The following PAPOLA variants were observed in gnomAD, a reference collection of about 807,000 sequenced individuals.
The protein encoded by PAPOLA is poly(A) polymerase alpha.
PAPOLA carries 15 observed loss-of-function variants against 100.6 expected under a neutral mutation model. That is an observed-to-expected ratio of 0.15 (90% CI 0.10 to 0.23). PAPOLA has a LOEUF of 0.23. Ranked by LOEUF, PAPOLA falls within the 10% of genes least tolerant of loss-of-function variation. PAPOLA has a pLI of 1.00. For missense variants in PAPOLA, 533 were observed against 884.2 expected (o/e 0.60, Z 5.04); for synonymous variants, 293 against 300.0 (o/e 0.98, Z 0.24).
intron 21 of PAPOLA, among the ~76,000 whole-genome samples, chr14:96,563,139 T>C (rs1173756636): frequency 6.6e-6 from 1 of 152,182 alleles, no homozygotes; most frequent in Non-Finnish European, 1.5e-5. Flanking sequence ...ATACTGCAAA[T>C]CATTTAAATT....
At chr14:96,551,462 C>A (rs1407502996) in intron 16 of PAPOLA, among the ~76,000 whole-genome samples, 4 of 152,116 alleles carry the variant, frequency 2.6e-5, no homozygotes, top group African/African-American at 7.2e-5. Flanking sequence ...TCTCATCTTC[C>A]CCATTTGATC....
At chr14:96,551,963 CT>C (rs1900880779) in intron 16 of PAPOLA, among the ~76,000 whole-genome samples, 1 of 152,054 alleles carries the variant, frequency 6.6e-6, no homozygotes, top group African/African-American at 2.4e-5. Flanking sequence ...GAGAGAGGCT[CT>C]TTTTATTGAC....
At chr14:96,525,580 G>C (rs973505199) in intron 4 of PAPOLA, among the ~76,000 whole-genome samples, 189 bp downstream of exon 4, 4 of 152,070 alleles carry the variant, frequency 2.6e-5, no homozygotes, top group Non-Finnish European at 2.9e-5. Context: ...CTGTCCAAAA[G>C]TATTATTAAG....
intron 1 of PAPOLA, among the ~76,000 whole-genome samples, chr14:96,507,668 A>C (rs866225985): frequency 1.3e-5 from 2 of 152,142 alleles, no homozygotes; most frequent in African/African-American, 4.8e-5. Flanking sequence ...ATAATTTCCA[A>C]TGTAGTGGAT....
chr14:96,545,507 G>A (rs940209814), intron 15 of PAPOLA, among the ~76,000 whole-genome samples: 7 of 152,136 alleles, frequency 4.6e-5, no homozygotes, highest in South Asian at 2.1e-4. Context: ...ATGCTTGGTG[G>A]TAGTTGTATT....
chr14:96,537,154 A>G, intron 12 of PAPOLA, 94 bp downstream of exon 12: 2 of 744,454 alleles, frequency 2.7e-6, no homozygotes, highest in South Asian at 3.1e-5. Flanking sequence ...GACTAATGTT[A>G]TTGGAAGAAT....
At chr14:96,507,401 C>T (rs1483886113) in intron 1 of PAPOLA, among the ~76,000 whole-genome samples, 2 of 149,752 alleles carry the variant, frequency 1.3e-5, no homozygotes, top group African/African-American at 5.0e-5. Flanking sequence ...CATTCTCCTG[C>T]CTCAGCCTCC....
At chr14:96,533,201 A>C (rs528051088) in intron 9 of PAPOLA, 1,342 of 982,732 alleles carry the variant, frequency 1.4e-3, no homozygotes, top group Non-Finnish European at 1.5e-3. Flanking sequence ...TTTCATTTCC[A>C]CATATGTCAA....
intron 1 of PAPOLA, among the ~76,000 whole-genome samples, chr14:96,512,368 A>G (rs1227803675): frequency 6.6e-6 from 1 of 152,162 alleles, no homozygotes; most frequent in African/African-American, 2.4e-5. Context: ...GCAAGACACC[A>G]TCTCTAAAAT....
At chr14:96,560,431 A>C (rs940122717) in intron 19 of PAPOLA, 1 of 443,260 alleles carries the variant, frequency 2.3e-6, no homozygotes, top group African/African-American at 2.0e-5. Flanking sequence ...CTGCAGTAAC[A>C]GTTTTCCTAA....
intron 16 of PAPOLA, among the ~76,000 whole-genome samples, chr14:96,549,335 G>A (rs557708735): frequency 1.4e-4 from 21 of 150,600 alleles, no homozygotes; most frequent in Middle Eastern, 6.9e-3. Flanking sequence ...TGCAAGCTCC[G>A]CCTCCTGGGT....
At position 96,549,095 on chromosome 14, in the gene PAPOLA, T is replaced by C. The variant is rs201867775; in HGVS notation, c.1521+1177T>C. Among the ~76,000 whole-genome samples, 5 of 152,274 alleles carry C rather than the reference T, an allele frequency of 3.3e-5. No homozygotes were observed. In the East Asian group the frequency reaches 9.7e-4, roughly 29 times the overall value. ...TTAAATGAGCCAATACATAAATACA[T>C]GTAAATGGTGGTTTAGACTAGCTCC... On this transcript the variant is annotated intron_variant, in intron 16 of 21. Transcript: ENST00000216277.
At chr14:96,524,489 GTTCCCCTTCCCCTTCCCTTCTTCCCCTC>G (rs1566842863) in intron 3 of PAPOLA, among the ~76,000 whole-genome samples, 1 of 150,180 alleles carries the variant, frequency 6.7e-6, no homozygotes. Flanking sequence ...TCCCCTTCCC[GTTCCCCTTCCCCTTCCCTTCTTCCCCTC>G]TTCCCCTTCC....
intron 3 of PAPOLA, among the ~76,000 whole-genome samples, chr14:96,524,119 G>T (rs377499125): frequency 6.6e-6 from 1 of 152,068 alleles, no homozygotes; most frequent in South Asian, 2.1e-4. Context: ...TGAGAGGAAG[G>T]GGGGTGGTCT....
At chr14:96,554,421 T>G (rs1234301427) in intron 17 of PAPOLA, among the ~76,000 whole-genome samples, 1 of 152,270 alleles carries the variant, frequency 6.6e-6, no homozygotes, top group Non-Finnish European at 1.5e-5. Flanking sequence ...ACACCTGCTC[T>G]GTTGACTACA....
At chr14:96,522,419 CTT>C (rs377164585) in intron 3 of PAPOLA, among the ~76,000 whole-genome samples, 1 of 145,846 alleles carries the variant, frequency 6.9e-6, no homozygotes. Context: ...GTTCTGTCCT[CTT>C]TTTTTTTTTG....
chr14:96,507,349 G>A (rs553973171), intron 1 of PAPOLA, among the ~76,000 whole-genome samples: 2 of 137,722 alleles, frequency 1.5e-5, no homozygotes, highest in African/African-American at 5.5e-5. Context: ...GTGCTGTGGC[G>A]CGATCTCCGC....
At chr14:96,560,604 T>A (rs781565070) in intron 19 of PAPOLA, 45 bp from the exon 20 acceptor site, 2 of 1,318,216 alleles carry the variant, frequency 1.5e-6, no homozygotes, top group Non-Finnish European at 2.2e-6. Context: ...GCAAATAATC[T>A]AAATTTTTCA....
intron 11 of PAPOLA, 26 bp from the exon 12 acceptor site, chr14:96,536,950 A>G (rs189486795): frequency 1.0e-5 from 14 of 1,357,876 alleles, no homozygotes; most frequent in Non-Finnish European, 1.3e-5. Context: ...GAAGTATGCA[A>G]ACATTTTAAT....
Sources: allele counts gnomAD v4.1 joint callset (sites outside exome capture counted in the v4.1 genomes callset), GRCh38; gene constraint gnomAD v4.1.1; transcripts MANE v1.5; gene names NCBI Gene and HGNC (gene_info 2026-07-23, HGNC 2026-07-21).